The following EFHC2 variants were observed in gnomAD, a reference collection of about 807,000 sequenced individuals.
The protein encoded by EFHC2 is EF-hand domain containing 2.
A neutral mutation model predicts 52.7 loss-of-function variants in EFHC2; 18 were observed. The ratio of observed to expected loss-of-function variants is 0.34; its 90% CI spans 0.24 to 0.51. The LOEUF is 0.51. Among genes scored for constraint, EFHC2 ranks in the 20% least tolerant of loss-of-function variants. The pLI is 0.97. For missense variants in EFHC2, 513 were observed against 562.5 expected (o/e 0.91, Z 0.89); for synonymous variants, 203 against 204.1 (o/e 0.99, Z 0.04).
intron 2 of EFHC2, among the ~76,000 whole-genome samples, chrX:44,301,109 CAAAAAAAA>C: frequency 2.3e-5 from 1 of 42,792 alleles, no homozygotes; most frequent in Non-Finnish European, 4.3e-5. Flanking sequence ...GACTCTATCT[CAAAAAAAA>C]AAAAAAAAAA....
chrX:44,323,588 G>A (rs1050834234), intron 1 of EFHC2, among the ~76,000 whole-genome samples: 4 of 77,863 alleles, frequency 5.1e-5, no homozygotes, highest in African/African-American at 2.1e-4. Flanking sequence ...ACTTTGAAGA[G>A]TTAATGTGGA....
rs745740647 is a variant in EFHC2 at position 44,252,975 on chromosome X, C to T, written c.607-2530G>A. Among the ~76,000 whole-genome samples the T allele has an allele frequency of 3.7e-4, 41 of 110,996 alleles. 1 individual carries two copies. Among genetic ancestry groups the T allele is most frequent in the South Asian group, 2.3e-3 (6 of 2,577 alleles). The stretch of plus-strand genomic sequence containing the variant: ...CTGCTTAGACAGTAGGTGCAGCCCA[C>T]GGAGGGCGAGCTGAAGCAGGGTGGG... On this transcript the variant is annotated intron_variant, in intron 4 of 14. Transcript: ENST00000420999.
chrX:44,271,876 T>C (rs1457515212), intron 3 of EFHC2, among the ~76,000 whole-genome samples: 5 of 112,096 alleles, frequency 4.5e-5, no homozygotes, highest in African/African-American at 1.6e-4. Context: ...TTTAGATTCC[T>C]GAGGACATTT....
chrX:44,196,156 G>T (rs1314224390), intron 11 of EFHC2, among the ~76,000 whole-genome samples: 1 of 111,687 alleles, frequency 9.0e-6, no homozygotes, highest in Non-Finnish European at 1.9e-5. Flanking sequence ...GGCTCAAGTG[G>T]TCCACCAGCC....
At chrX:44,296,361 G>T (rs775349148) in intron 2 of EFHC2, among the ~76,000 whole-genome samples, 1 of 111,905 alleles carries the variant, frequency 8.9e-6, no homozygotes, top group African/African-American at 3.2e-5. Flanking sequence ...ATTAAAATAT[G>T]ATATTTTTGA....
intron 2 of EFHC2, among the ~76,000 whole-genome samples, chrX:44,298,555 T>A (rs1199543696): frequency 9.0e-6 from 1 of 111,284 alleles, no homozygotes; most frequent in Non-Finnish European, 1.9e-5. Context: ...ACTAATGGAA[T>A]TGTATACTTA....
rs756199770 is a variant in EFHC2, at chrX:44,318,467, G to A, written c.43-5711C>T. ...GAAACAGTGGGGACAGCTGCACAGCGTTGTGAATGTACAAAATGCCACTGA... is the reference window on the plus strand; with the variant it reads ...GAAACAGTGGGGACAGCTGCACAGCATTGTGAATGTACAAAATGCCACTGA... On this transcript the variant is annotated intron_variant, in intron 1 of 14. Transcript: ENST00000420999. Among the ~76,000 whole-genome samples, 41 of 111,714 alleles carry A rather than the reference G, an allele frequency of 3.7e-4. 1 individual carries two copies. Among genetic ancestry groups the A allele is most frequent in the Admixed American group, 5.7e-4 (6 of 10,507 alleles).
intron 1 of EFHC2, among the ~76,000 whole-genome samples, chrX:44,336,882 A>C (rs1480948009): frequency 1.8e-5 from 2 of 112,237 alleles, no homozygotes; most frequent in African/African-American, 6.5e-5. Context: ...AAAGAAATCA[A>C]GATTATAATT....
chrX:44,155,270 A>G (rs769496459), intron 14 of EFHC2, among the ~76,000 whole-genome samples: 5 of 111,709 alleles, frequency 4.5e-5, no homozygotes, highest in Non-Finnish European at 9.4e-5. Flanking sequence ...TTGGCAATAA[A>G]TTACTCGTTC....
chrX:44,231,159 G>A (rs1213193908), intron 10 of EFHC2, among the ~76,000 whole-genome samples: 1 of 111,958 alleles, frequency 8.9e-6, no homozygotes, highest in Non-Finnish European at 1.9e-5. Flanking sequence ...CATGGAGGGC[G>A]CTTCTCAGGC....
In EFHC2 at chrX:44,257,418, A is replaced by T. The variant is rs1227757921; in HGVS notation, c.606+3657T>A. ...CATCATCTCAGCCCAAAATCTCCTTAAGCTGATAAGCAACTTCAGCAAAGT... is the reference window on the plus strand; with the variant it reads ...CATCATCTCAGCCCAAAATCTCCTTTAGCTGATAAGCAACTTCAGCAAAGT... On this transcript the variant is annotated intron_variant, in intron 4 of 14. Coordinates refer to ENST00000420999, the MANE Select transcript of EFHC2 (RefSeq NM_025184.4). Among the ~76,000 whole-genome samples, 4 of 112,212 alleles carry T rather than the reference A, an allele frequency of 3.6e-5. No individual in the cohort carries two copies. In the East Asian group the frequency reaches 1.1e-3, roughly 31 times the overall value.
At chrX:44,152,344 T>G (rs1402431793) in intron 14 of EFHC2, among the ~76,000 whole-genome samples, 1 of 111,633 alleles carries the variant, frequency 9.0e-6, no homozygotes, top group Non-Finnish European at 1.9e-5. Context: ...GAAGCCTGGA[T>G]TATAATAACC....
chrX:44,172,680 C>T (rs769253337), intron 13 of EFHC2, among the ~76,000 whole-genome samples: 1 of 112,180 alleles, frequency 8.9e-6, no homozygotes, highest in Non-Finnish European at 1.9e-5. Context: ...TGGCCTGGAG[C>T]ACAGTCTTTC....
At chrX:44,178,129 T>TCTCACACACACACACA (rs779701339) in intron 12 of EFHC2, among the ~76,000 whole-genome samples, 58 of 83,947 alleles carry the variant, frequency 6.9e-4, no homozygotes, top group Middle Eastern at 5.6e-3. Flanking sequence ...AGATGCCATA[T>TCTCACACACACACACA]CACACACACA....
At chrX:44,273,802 C>T (rs2037635001) in intron 2 of EFHC2, among the ~76,000 whole-genome samples, 1 of 111,654 alleles carries the variant, frequency 9.0e-6, no homozygotes, top group Non-Finnish European at 1.9e-5. Flanking sequence ...TTTAAATATT[C>T]TCTTTGTCTC....
intron 2 of EFHC2, among the ~76,000 whole-genome samples, chrX:44,276,425 G>GAAAATA (rs2037658703): frequency 9.0e-6 from 1 of 111,002 alleles, no homozygotes. Flanking sequence ...AAACAGAAAA[G>GAAAATA]AAAATAAAAA....
intron 2 of EFHC2, chrX:44,309,899 G>C (rs1291358333): frequency 8.9e-7 from 1 of 1,118,121 alleles, no homozygotes. Flanking sequence ...TGGCATTGAA[G>C]AGAAATTCCC....
intron 2 of EFHC2, among the ~76,000 whole-genome samples, chrX:44,300,921 C>T (rs2037863160): frequency 1.8e-5 from 2 of 108,255 alleles, no homozygotes; most frequent in South Asian, 8.3e-4. Flanking sequence ...CCATCCTGGC[C>T]AGCACAGTGA....
In EFHC2 at chrX:44,148,012, G is replaced by C. The variant is rs913455723; in HGVS notation, c.*783C>G. 4 of 110,100 alleles carry C rather than the reference G, an allele frequency of 3.6e-5. No individual in the cohort carries two copies. Among genetic ancestry groups the C allele is most frequent in the Non-Finnish European group, 5.7e-5 (3 of 52,783 alleles). The allele number at this position is 110,100 out of a possible 1,213,427, so 9.1% of individuals were successfully genotyped here. A position where few individuals can be genotyped will look rare whatever the true frequency, so the allele number is the denominator to read the frequency against. On this transcript the variant is annotated 3_prime_UTR_variant, in exon 15 of 15. Coordinates refer to ENST00000420999, the MANE Select transcript of EFHC2 (RefSeq NM_025184.4). ...CTGAATATTTAAACCTCTAGGGTGG[G>C]GCGCGTGGGATGTGTGTGTAAAACA... is the stretch of plus-strand genomic sequence containing the variant.
Sources: allele counts gnomAD v4.1 joint callset (sites outside exome capture counted in the v4.1 genomes callset), GRCh38; gene constraint gnomAD v4.1.1; transcripts MANE v1.5; gene names NCBI Gene and HGNC (gene_info 2026-07-23, HGNC 2026-07-21).